Variants in ACOXL observed in about 807,000 individuals in gnomAD.
ACOXL encodes the protein acyl-coenzyme A oxidase-like protein.
Under a neutral mutation model 71.9 loss-of-function variants are expected in ACOXL, and 70 were observed. That is an observed-to-expected ratio of 0.97 (90% CI 0.80 to 1.19). The LOEUF (loss-of-function observed/expected upper bound fraction) is 1.19, where lower values mean the gene tolerates loss of function less well. Ranked by LOEUF, ACOXL falls within the 50% of genes most tolerant of loss-of-function variation. The pLI, the probability that ACOXL is intolerant of heterozygous loss-of-function variation, is 0.00. For synonymous variants in ACOXL, 253 were observed against 281.6 expected, an observed-to-expected ratio of 0.90 and a Z score of 1.02; for missense variants, 703 against 736.3, an observed-to-expected ratio of 0.95 and a Z score of 0.52.
intron 12 of ACOXL, among the ~76,000 whole-genome samples, chr2:110,964,298 G>C (rs562510170): frequency 7.2e-5 from 11 of 152,160 alleles, no homozygotes; most frequent in African/African-American, 2.7e-4. Flanking sequence ...CAATAATGTT[G>C]GAGTCCAAAT....
chr2:111,000,290 A>T (rs1053659388), intron 14 of ACOXL, among the ~76,000 whole-genome samples: 1 of 152,170 alleles, frequency 6.6e-6, no homozygotes, highest in African/African-American at 2.4e-5. Context: ...AATGTACCCA[A>T]TCAATGAAGT....
At chr2:110,919,469 A>T (rs541059672) in intron 11 of ACOXL, among the ~76,000 whole-genome samples, 1 of 152,164 alleles carries the variant, frequency 6.6e-6, no homozygotes, top group Non-Finnish European at 1.5e-5. Context: ...TGATGGGTTG[A>T]TGGGTGCAGC....
At chr2:110,876,872 A>T (rs548515659) in intron 10 of ACOXL, among the ~76,000 whole-genome samples, 1 of 152,342 alleles carries the variant, frequency 6.6e-6, no homozygotes, top group African/African-American at 2.4e-5. Context: ...ACCTTTGTGG[A>T]GCTGACAGTC....
chr2:110,793,677 G>A lies in ACOXL; in HGVS notation c.187G>A (p.Gly63Ser), dbSNP rs200188793. ...CGGAATAATTTATTGGCTATTTGGTGGTGCTATCAGGAATCTCGGAAGCCC... is the reference window on the plus strand; with the variant it reads ...CGGAATAATTTATTGGCTATTTGGTAGTGCTATCAGGAATCTCGGAAGCCC... Reference protein sequence around the residue: ...KCGIIYWLFGGAIRNLGSPEH... With the variant: ...KCGIIYWLFGSAIRNLGSPEH... The change falls in exon 4 of 18, where the codon GGT becomes AGT. Residue 63 changes from glycine to serine, a missense_variant. Transcript: ENST00000439055. 6 of 1,614,060 alleles carry A rather than the reference G, an allele frequency of 3.7e-6. No individual in the cohort carries two copies. Among genetic ancestry groups the A allele is most frequent in the Admixed American group, 1.7e-5 (1 of 60,004 alleles).
At chr2:110,747,367 C>T (rs1434064149) in intron 1 of ACOXL, among the ~76,000 whole-genome samples, 1 of 152,180 alleles carries the variant, frequency 6.6e-6, no homozygotes, top group Non-Finnish European at 1.5e-5. Flanking sequence ...ACTCAGCCAT[C>T]CCATGGGCAG....
At chr2:110,755,312 C>A (rs980368021) in intron 1 of ACOXL, among the ~76,000 whole-genome samples, 1 of 152,158 alleles carries the variant, frequency 6.6e-6, no homozygotes, top group African/African-American at 2.4e-5. Flanking sequence ...TTTGCCTAAT[C>A]TCCATATCTT....
chr2:111,030,664 G>A (rs1206178692), intron 14 of ACOXL, among the ~76,000 whole-genome samples: 1 of 151,834 alleles, frequency 6.6e-6, no homozygotes, highest in Non-Finnish European at 1.5e-5. Context: ...GTCAGGGTGT[G>A]AGTTAAATAC....
chr2:111,023,922 GCACT>G (rs936160351), intron 14 of ACOXL, among the ~76,000 whole-genome samples: 24 of 152,290 alleles, frequency 1.6e-4, no homozygotes, highest in African/African-American at 5.8e-4. Context: ...GACAATCTGA[GCACT>G]CACTCACTCA....
chr2:110,952,045 T>C (rs958565563), intron 12 of ACOXL, among the ~76,000 whole-genome samples: 6 of 152,236 alleles, frequency 3.9e-5, no homozygotes, highest in Admixed American at 3.3e-4. Flanking sequence ...GAAGAGTTTG[T>C]ATAGAATTGA....
At chr2:110,981,470 C>T (rs1481689892) in intron 12 of ACOXL, among the ~76,000 whole-genome samples, 2 of 152,068 alleles carry the variant, frequency 1.3e-5, no homozygotes, top group Admixed American at 1.3e-4. Context: ...ATGGGGTGAG[C>T]GATTCCATGA....
chr2:111,035,633 T>C (rs1409254667), intron 15 of ACOXL, among the ~76,000 whole-genome samples: 1 of 152,234 alleles, frequency 6.6e-6, no homozygotes, highest in Non-Finnish European at 1.5e-5. Flanking sequence ...TAATTTAGAA[T>C]GTTCATATTA....
intron 16 of ACOXL, among the ~76,000 whole-genome samples, chr2:111,055,738 A>G (rs777732160): frequency 1.3e-5 from 2 of 152,218 alleles, no homozygotes; most frequent in Non-Finnish European, 2.9e-5. Context: ...GCATTTCCAA[A>G]CCCAGTCCAG....
At chr2:111,035,751 T>C (rs1013319793) in intron 15 of ACOXL, among the ~76,000 whole-genome samples, 5 of 152,282 alleles carry the variant, frequency 3.3e-5, no homozygotes, top group Non-Finnish European at 5.9e-5. Flanking sequence ...AACAAGACTT[T>C]CTTTGTTAAT....
intron 10 of ACOXL, among the ~76,000 whole-genome samples, chr2:110,852,366 T>C (rs10197140): frequency 0.29 from 43,476 of 151,994 alleles, 6,633 homozygotes; most frequent in Non-Finnish European, 0.33. Flanking sequence ...CCTGGCTCCC[T>C]GGCTCATATT....
At chr2:110,771,929 A>G (rs1573441478) in intron 2 of ACOXL, among the ~76,000 whole-genome samples, 1 of 152,094 alleles carries the variant, frequency 6.6e-6, no homozygotes, top group African/African-American at 2.4e-5. Context: ...TGCATGGGGG[A>G]CAGCTTCCTC....
rs372722723 is a variant in ACOXL at position 110,863,216 on chromosome 2, A to G, written c.788+21811A>G. Among the ~76,000 whole-genome samples the G allele has an allele frequency of 9.8e-5, 15 of 152,354 alleles. No individual in the cohort carries two copies. In the East Asian group the frequency reaches 2.3e-3, roughly 23 times the overall value. On this transcript the variant is annotated intron_variant, in intron 10 of 17. Transcript: ENST00000439055. ...ACAAGAATGGGAGAGGCTTAGCTAC[A>G]TTATGATGTGTTCTTATGATGGAAT...
At chr2:110,841,536 A>G (rs1363589974) in intron 10 of ACOXL, 131 bp downstream of exon 10, 5 of 691,826 alleles carry the variant, frequency 7.2e-6, no homozygotes, top group Non-Finnish European at 7.3e-6. Context: ...CGCAGATGGA[A>G]TTGTTCTAGT....
At chr2:111,007,099 A>G (rs1037864034) in intron 14 of ACOXL, among the ~76,000 whole-genome samples, 1 of 152,202 alleles carries the variant, frequency 6.6e-6, no homozygotes, top group Non-Finnish European at 1.5e-5. Context: ...AGTCACTCCC[A>G]TGGGAGTATG....
chr2:110,755,510 A>C (rs544806878), intron 1 of ACOXL, among the ~76,000 whole-genome samples: 1 of 152,332 alleles, frequency 6.6e-6, no homozygotes, highest in South Asian at 2.1e-4. Flanking sequence ...GGATTGGAGC[A>C]TAAGGATGTT....
Sources: allele counts gnomAD v4.1 joint callset (sites outside exome capture counted in the v4.1 genomes callset), GRCh38; gene constraint gnomAD v4.1.1; transcripts MANE v1.5; gene names NCBI Gene and HGNC (gene_info 2026-07-23, HGNC 2026-07-21).